NSFL1C: variants seen among roughly 807,000 people sequenced by gnomAD.
The protein encoded by NSFL1C is NSFL1 cofactor, also known as NSFL1 cofactor p47.
NSFL1C carries 14 observed loss-of-function variants against 43.1 expected under a neutral mutation model. The ratio of observed to expected loss-of-function variants is 0.32; its 90% CI spans 0.21 to 0.51. NSFL1C has a LOEUF of 0.51. Among genes scored for constraint, NSFL1C ranks in the 20% least tolerant of loss-of-function variants. The pLI, the probability that NSFL1C is intolerant of heterozygous loss-of-function variation, is 0.98. For synonymous variants in NSFL1C, 171 were observed against 183.5 expected (o/e 0.93, Z 0.55); for missense variants, 406 against 472.5 (o/e 0.86, Z 1.30).
At chr20:1,456,010 T>C in intron 3 of NSFL1C, 2 of 457,108 alleles carry the variant, frequency 4.4e-6, no homozygotes, top group Non-Finnish European at 8.0e-6. Flanking sequence ...TGAAAACCAG[T>C]TGTCATGCAG....
In NSFL1C at chr20:1,442,675, G is replaced by A. The variant is rs2089972778; in HGVS notation, c.*1074C>T. ...CTGCCTATGTTTCTGCAAGTCACAA[G>A]TCAGCAGGTCAAAGAACAAGTGTGA... On this transcript the variant is annotated 3_prime_UTR_variant, in exon 9 of 9. Coordinates refer to ENST00000216879, the MANE Select transcript of NSFL1C (RefSeq NM_016143.5). The A allele has an allele frequency of 6.6e-6, 1 of 152,180 alleles. No individual in the cohort carries two copies. Among genetic ancestry groups the A allele is most frequent in the Non-Finnish European group, 1.5e-5 (1 of 68,032 alleles). 9.4% of individuals were successfully genotyped at this position (152,180 alleles called of 1,614,324 possible).
At chr20:1,462,527 CTT>C (rs5839910) in intron 2 of NSFL1C, among the ~76,000 whole-genome samples, 4 of 145,230 alleles carry the variant, frequency 2.8e-5, no homozygotes, top group African/African-American at 2.5e-5. Flanking sequence ...ACTTTTATGC[CTT>C]TTTTTTTTTT....
At chr20:1,462,945 C>T (rs1027390318) in intron 2 of NSFL1C, among the ~76,000 whole-genome samples, 5 of 152,180 alleles carry the variant, frequency 3.3e-5, no homozygotes, top group Admixed American at 6.5e-5. Flanking sequence ...ATGCTGTGTT[C>T]TATTTGCTTT....
chr20:1,464,170 A>C, intron 2 of NSFL1C, 159 bp downstream of exon 2: 1 of 650,212 alleles, frequency 1.5e-6, no homozygotes, highest in Non-Finnish European at 2.8e-6. Flanking sequence ...TCTGTATAGG[A>C]AATGACTGAG....
rs1311172618 is a variant in NSFL1C at position 1,442,320 on chromosome 20, CA to C, written c.*1428del. ...ACTGCCGGTGTGGGAACTTTGGGAT[CA>C]AAAGCACCAAGCCAAGTCCCTTGCT... On this transcript the variant is annotated 3_prime_UTR_variant, in exon 9 of 9. Transcript: ENST00000216879. 1 of 152,220 alleles carries C rather than the reference CA, an allele frequency of 6.6e-6. No individual in the cohort carries two copies. Among genetic ancestry groups the C allele is most frequent in the African/African-American group, 2.4e-5 (1 of 41,454 alleles). The allele number at this position is 152,220 out of a possible 1,614,324, so 9.4% of individuals were successfully genotyped here.
chr20:1,466,647 C>CG, intron 1 of NSFL1C, 73 bp downstream of exon 1: 1 of 1,401,694 alleles, frequency 7.1e-7, no homozygotes, highest in Non-Finnish European at 9.7e-7. Flanking sequence ...TCGGCCGCCG[C>CG]GGGCTTAAGG....
At chr20:1,465,880 C>A (rs773008876) in intron 1 of NSFL1C, among the ~76,000 whole-genome samples, 10 of 152,188 alleles carry the variant, frequency 6.6e-5, no homozygotes, top group Non-Finnish European at 1.5e-4. Context: ...CCTCTTTAAT[C>A]TCAGCTGCAA....
At chr20:1,456,632 TG>T (rs2090307292) in intron 3 of NSFL1C, 2 of 152,220 alleles carry the variant, frequency 1.3e-5, no homozygotes, top group South Asian at 4.1e-4. Flanking sequence ...TCCAGGTAGA[TG>T]AAGTTCTGCT....
intron 3 of NSFL1C, chr20:1,456,445 A>G (rs2090302166): frequency 6.6e-6 from 1 of 152,290 alleles, no homozygotes; most frequent in African/African-American, 2.4e-5. Flanking sequence ...GAATGAAAAT[A>G]GAGAATAGAA....
intron 5 of NSFL1C, 76 bp from the exon 6 acceptor site, chr20:1,453,216 T>C (rs1396077123): frequency 8.5e-6 from 7 of 823,974 alleles, no homozygotes; most frequent in Non-Finnish European, 1.5e-5. Flanking sequence ...TAGCAGGTTT[T>C]TACTATTTCT....
At chr20:1,458,966 G>T (rs889376395) in intron 2 of NSFL1C, among the ~76,000 whole-genome samples, 10 of 152,154 alleles carry the variant, frequency 6.6e-5, no homozygotes, top group African/African-American at 2.4e-4. Context: ...AAAAATGAGC[G>T]TGAGAAGGGT....
intron 2 of NSFL1C, among the ~76,000 whole-genome samples, chr20:1,460,032 T>A (rs936023831): frequency 4.6e-5 from 7 of 152,240 alleles, no homozygotes; most frequent in Non-Finnish European, 8.8e-5. Flanking sequence ...CGACATTGAT[T>A]CTGGTATCCA....
At chr20:1,450,354 A>T (rs2090158631) in intron 7 of NSFL1C, among the ~76,000 whole-genome samples, 1 of 151,990 alleles carries the variant, frequency 6.6e-6, no homozygotes. Flanking sequence ...TTTTTTTTTA[A>T]GCTAAGTTTT....
intron 5 of NSFL1C, among the ~76,000 whole-genome samples, chr20:1,453,603 A>G (rs2090230527): frequency 1.3e-5 from 2 of 152,218 alleles, no homozygotes; most frequent in South Asian, 4.1e-4. Context: ...AAACCAATGC[A>G]TTAGCAGCTG....
chr20:1,447,486 A>G (rs1417895289), intron 7 of NSFL1C, among the ~76,000 whole-genome samples: 2 of 146,066 alleles, frequency 1.4e-5, no homozygotes, highest in Non-Finnish European at 3.0e-5. Context: ...GTATCAGTGT[A>G]TTTTATGTGT....
intron 7 of NSFL1C, chr20:1,446,161 G>C (rs551512639): frequency 1.1e-4 from 49 of 447,730 alleles, no homozygotes; most frequent in African/African-American, 9.0e-4. Context: ...TAGGGTGGGA[G>C]AGACAGGGTC....
intron 7 of NSFL1C, among the ~76,000 whole-genome samples, chr20:1,451,540 T>C (rs967167959): frequency 1.3e-5 from 2 of 152,176 alleles, no homozygotes; most frequent in African/African-American, 2.4e-5. Flanking sequence ...AGGCCCCTAA[T>C]ATCCAAGAGC....
chr20:1,452,925 C>T (rs1012865040), intron 6 of NSFL1C, 106 bp downstream of exon 6: 48 of 764,258 alleles, frequency 6.3e-5, no homozygotes, highest in Admixed American at 3.6e-4. Context: ...TATGCTGAAT[C>T]TGCTTCAAAC....
At chr20:1,455,676 C>T in intron 3 of NSFL1C, 1 of 779,706 alleles carries the variant, frequency 1.3e-6, no homozygotes, top group East Asian at 2.4e-5. Flanking sequence ...CTTTCCTTGT[C>T]TTTGAAACGG....
Sources: gnomAD v4.1 joint callset for allele counts (sites outside exome capture counted in the v4.1 genomes callset) on GRCh38, gnomAD v4.1.1 for gene constraint, MANE v1.5 for transcripts, NCBI Gene and HGNC (gene_info 2026-07-23, HGNC 2026-07-21) for gene names.